L2HGDH: variants seen among roughly 807,000 people sequenced by gnomAD.
The protein encoded by L2HGDH is L-2-hydroxyglutarate dehydrogenase.
Under a neutral mutation model 51.5 loss-of-function variants are expected in L2HGDH, and 34 were observed. The ratio of observed to expected loss-of-function variants is 0.66; its 90% CI spans 0.50 to 0.88. L2HGDH has a LOEUF of 0.88. Ranked by LOEUF, L2HGDH falls within the 40% of genes least tolerant of loss-of-function variation. The probability of loss-of-function intolerance (pLI) is 0.00; values close to 1 mark genes in which losing one functional copy is unlikely to be tolerated. For synonymous variants in L2HGDH, 198 were observed against 197.9 expected (o/e 1.00, Z -0.01); for missense variants, 558 against 571.9 (o/e 0.98, Z 0.25).
intron 4 of L2HGDH, 74 bp downstream of exon 4, chr14:50,294,041 C>T: frequency 3.9e-6 from 6 of 1,522,302 alleles, no homozygotes; most frequent in Non-Finnish European, 5.5e-6. Flanking sequence ...TTCCTGCCTC[C>T]TATACACTCA....
intron 5 of L2HGDH, 40 bp from the exon 6 acceptor site, chr14:50,278,594 A>G: frequency 9.4e-7 from 1 of 1,065,470 alleles, no homozygotes; most frequent in Non-Finnish European, 1.4e-6. Flanking sequence ...TTTTTAGCAA[A>G]AGGCCAACAT....
chr14:50,264,127 C>T (rs1301046683), intron 9 of L2HGDH, among the ~76,000 whole-genome samples: 5 of 151,392 alleles, frequency 3.3e-5, no homozygotes, highest in Non-Finnish European at 7.4e-5. Flanking sequence ...CGCCTGTAAT[C>T]CCAGCACTTT....
At chr14:50,290,722 G>C (rs147794727) in intron 4 of L2HGDH, among the ~76,000 whole-genome samples, 1 of 151,952 alleles carries the variant, frequency 6.6e-6, no homozygotes, top group African/African-American at 2.4e-5. Context: ...TGAGTGCAGT[G>C]GCACAATCTC....
At chr14:50,284,545 AGAT>A (rs1890458649) in intron 4 of L2HGDH, among the ~76,000 whole-genome samples, 1 of 152,268 alleles carries the variant, frequency 6.6e-6, no homozygotes, top group Non-Finnish European at 1.5e-5. Context: ...ATCAATCTGT[AGAT>A]GAATGACCTA....
Position 50,293,896 on chromosome 14 carries a change from C to A in L2HGDH, c.540+219G>T, listed in dbSNP as rs140109424. On this transcript the variant is annotated intron_variant, in intron 4 of 9. Coordinates refer to ENST00000267436, the MANE Select transcript of L2HGDH (RefSeq NM_024884.3). Reference sequence around the variant, plus strand: ...CATGCCATGTGGTCTCAGGCCTCCTCTTGTCTTCATGTTGGTCAGACCTGG... The same window carrying A: ...CATGCCATGTGGTCTCAGGCCTCCTATTGTCTTCATGTTGGTCAGACCTGG... Among the ~76,000 whole-genome samples, 192 of 152,314 alleles carry A rather than the reference C, an allele frequency of 1.3e-3. 4 individuals carry two copies. The highest frequency in any genetic ancestry group is 4.3e-3 in the African/African-American group (178 of 41,568).
intron 9 of L2HGDH, among the ~76,000 whole-genome samples, chr14:50,248,088 C>T (rs1315634672): frequency 2.0e-5 from 3 of 152,136 alleles, no homozygotes; most frequent in East Asian, 3.8e-4. Flanking sequence ...GTGTGAACAA[C>T]TGTAAAGACA....
intron 9 of L2HGDH, among the ~76,000 whole-genome samples, chr14:50,252,562 C>G (rs933293769): frequency 7.9e-5 from 12 of 151,004 alleles, no homozygotes; most frequent in South Asian, 2.1e-4. Flanking sequence ...TACAAAGAGA[C>G]TAAAAATAAA....
At chr14:50,311,273 T>C in intron 1 of L2HGDH, 2 of 451,228 alleles carry the variant, frequency 4.4e-6, no homozygotes, top group South Asian at 3.1e-5. Context: ...CAACGTGTGG[T>C]TAAAATAAAC....
chr14:50,261,579 C>T (rs1237747869), intron 9 of L2HGDH, among the ~76,000 whole-genome samples: 4 of 152,044 alleles, frequency 2.6e-5, no homozygotes, highest in Non-Finnish European at 5.9e-5. Flanking sequence ...GCATCCTGGG[C>T]TCAAGGGATC....
chr14:50,285,212 G>A (rs1433787765), intron 4 of L2HGDH, among the ~76,000 whole-genome samples: 3 of 152,090 alleles, frequency 2.0e-5, no homozygotes, highest in Non-Finnish European at 4.4e-5. Context: ...ATGCCACTGC[G>A]CTCCAGCCTG....
At chr14:50,287,399 TA>T in intron 4 of L2HGDH, 1 of 650,318 alleles carries the variant, frequency 1.5e-6, no homozygotes, top group Non-Finnish European at 1.9e-6. Context: ...AGGATACCAG[TA>T]ATCCTGTTTT....
At chr14:50,249,805 C>A (rs1296614814) in intron 9 of L2HGDH, among the ~76,000 whole-genome samples, 1 of 149,368 alleles carries the variant, frequency 6.7e-6, no homozygotes, top group African/African-American at 2.5e-5. Context: ...TTGTCTTACA[C>A]CTTAGGTACC....
chr14:50,262,759 G>A (rs1889106952), intron 9 of L2HGDH, among the ~76,000 whole-genome samples: 1 of 151,716 alleles, frequency 6.6e-6, no homozygotes. Flanking sequence ...CTTCCCCCGA[G>A]AAACCCAAAA....
intron 3 of L2HGDH, among the ~76,000 whole-genome samples, chr14:50,300,992 CT>C (rs1319477348): frequency 6.6e-6 from 1 of 152,022 alleles, no homozygotes; most frequent in African/African-American, 2.4e-5. Flanking sequence ...ACCCGGCTAA[CT>C]TTTTAAATTT....
At chr14:50,289,255 A>G (rs927266927) in intron 4 of L2HGDH, among the ~76,000 whole-genome samples, 1 of 152,190 alleles carries the variant, frequency 6.6e-6, no homozygotes, top group Admixed American at 6.5e-5. Flanking sequence ...AAAATAGGCT[A>G]TCTCACTCTA....
In L2HGDH at chr14:50,312,167, C is replaced by T; in HGVS notation, c.-17G>A. ...TGGCACCATCCCCTACGCACGCTCC[C>T]CTCCCTCAGCGCTCAGAAGAAGCCA... On this transcript the variant is annotated 5_prime_UTR_variant, in exon 1 of 10. Transcript: ENST00000267436. 1.9e-6 allele frequency: 3 copies of T among 1,608,412 alleles called. No homozygotes were observed. Among genetic ancestry groups the T allele is most frequent in the East Asian group, 2.2e-5 (1 of 44,792 alleles).
At position 50,245,415 on chromosome 14, in the gene L2HGDH, T is replaced by C; in HGVS notation, c.*1643A>G. The C allele has an allele frequency of 1.0e-6, 1 of 985,320 alleles. No individual in the cohort carries two copies. Among genetic ancestry groups the C allele is most frequent in the Non-Finnish European group, 1.2e-6 (1 of 829,840 alleles). The allele number at this position is 985,320 out of a possible 1,614,324, so 61.0% of individuals were successfully genotyped here. ...AGGACAACCACTCAGTGTACCACTG[T>C]TTAGATTTCATGATGATACCATACC... On this transcript the variant is annotated 3_prime_UTR_variant, in exon 10 of 10. Coordinates refer to ENST00000267436, the MANE Select transcript of L2HGDH (RefSeq NM_024884.3).
intron 4 of L2HGDH, among the ~76,000 whole-genome samples, chr14:50,290,259 T>C (rs1411161833): frequency 1.3e-5 from 2 of 151,712 alleles, no homozygotes; most frequent in Non-Finnish European, 2.9e-5. Flanking sequence ...AGAGTGAGAC[T>C]CCGTCTCATA....
chr14:50,294,216 G>A lies in L2HGDH; in HGVS notation c.439C>T (p.Pro147Ser). Residue 147 changes from proline to serine, a missense_variant, in exon 4 of 10, where the codon CCC (proline) becomes TCC (serine). Transcript: ENST00000267436. Reference sequence around the variant, plus strand: ...TTCTCATATAGGGCCTGAAGTCTGGGAATTTCTTCTTGTTCAACAGCTACT... The same window carrying A: ...TTCTCATATAGGGCCTGAAGTCTGGAAATTTCTTCTTGTTCAACAGCTACT... ...LIVAVEQEEI[P>S]RLQALYEKGL... 1 of 1,613,012 alleles carries A rather than the reference G, an allele frequency of 6.2e-7. No individual in the cohort carries two copies. The highest frequency in any genetic ancestry group is 1.1e-5 in the South Asian group (1 of 91,026).
Sources: gnomAD v4.1 joint callset for allele counts (sites outside exome capture counted in the v4.1 genomes callset) on GRCh38, gnomAD v4.1.1 for gene constraint, MANE v1.5 for transcripts, NCBI Gene and HGNC (gene_info 2026-07-23, HGNC 2026-07-21) for gene names.